The following LRP1B variants were observed in gnomAD, a reference collection of about 807,000 sequenced individuals.
LRP1B encodes the protein low-density lipoprotein receptor-related protein 1B.
A neutral mutation model predicts 556.6 loss-of-function variants in LRP1B; 217 were observed. The ratio of observed to expected loss-of-function variants is 0.39; its 90% CI spans 0.35 to 0.44. The LOEUF (loss-of-function observed/expected upper bound fraction) is 0.44. LRP1B is among the 20% of genes least tolerant of loss of function. LRP1B has a pLI of 1.00. For missense variants in LRP1B, 5,053 were observed against 5,620.8 expected (o/e 0.90, Z 3.23); for synonymous variants, 2,047 against 1,865.8 (o/e 1.10, Z -2.50).
chr2:141,988,935 C>T (rs2105111067), intron 1 of LRP1B, among the ~76,000 whole-genome samples: 1 of 152,070 alleles, frequency 6.6e-6, no homozygotes, highest in East Asian at 1.9e-4. Context: ...ATGCATATTT[C>T]TACTAGAATC....
chr2:141,923,649 A>T (rs896547497), intron 1 of LRP1B, among the ~76,000 whole-genome samples: 1 of 151,344 alleles, frequency 6.6e-6, no homozygotes, highest in African/African-American at 2.4e-5. Context: ...GTAATTACAG[A>T]ATGTCTGTAA....
At chr2:141,399,724 T>G (rs1314912872) in intron 3 of LRP1B, among the ~76,000 whole-genome samples, 1 of 152,324 alleles carries the variant, frequency 6.6e-6, no homozygotes, top group East Asian at 1.9e-4. Context: ...AAGTAGACAC[T>G]GTCATTGTCC....
At chr2:141,396,227 T>C (rs936925828) in intron 3 of LRP1B, among the ~76,000 whole-genome samples, 3 of 152,238 alleles carry the variant, frequency 2.0e-5, no homozygotes, top group Middle Eastern at 3.4e-3. Context: ...ACAAAACACA[T>C]ACAAGCAGAT....
intron 6 of LRP1B, among the ~76,000 whole-genome samples, chr2:141,191,112 A>G (rs371232384): frequency 6.6e-6 from 1 of 151,950 alleles, no homozygotes; most frequent in Admixed American, 6.6e-5. Flanking sequence ...ACCATGCCCT[A>G]TCATGTTCTC....
At chr2:141,162,066 G>C (rs12691595) in intron 7 of LRP1B, among the ~76,000 whole-genome samples, 74,792 of 151,850 alleles carry the variant, frequency 0.49, 19,764 homozygotes, top group Middle Eastern at 0.66. Flanking sequence ...ATTCCTTTCT[G>C]TTCCTAGGCA....
chr2:141,182,851 G>C (rs1249093554), intron 7 of LRP1B, among the ~76,000 whole-genome samples: 2 of 151,306 alleles, frequency 1.3e-5, no homozygotes, highest in Admixed American at 1.3e-4. Context: ...TGTGTAGGGG[G>C]CTGTTTATCC....
chr2:140,478,358 C>A (rs961083257), intron 59 of LRP1B, among the ~76,000 whole-genome samples: 1 of 151,810 alleles, frequency 6.6e-6, no homozygotes, highest in African/African-American at 2.4e-5. Flanking sequence ...ACCGTGTTAG[C>A]CAGGATGGTC....
At chr2:141,240,207 A>G (rs1044878562) in intron 5 of LRP1B, among the ~76,000 whole-genome samples, 1 of 152,130 alleles carries the variant, frequency 6.6e-6, no homozygotes, top group African/African-American at 2.4e-5. Context: ...GTGGAATATT[A>G]GTTATCTCTG....
chr2:142,120,676 T>C (rs1707427436), intron 1 of LRP1B, among the ~76,000 whole-genome samples: 1 of 152,218 alleles, frequency 6.6e-6, no homozygotes. Flanking sequence ...TGCTGGTTTA[T>C]GTTGATAGAA....
chr2:142,076,356 G>A (rs912243371), intron 1 of LRP1B, among the ~76,000 whole-genome samples: 1 of 152,082 alleles, frequency 6.6e-6, no homozygotes, highest in Non-Finnish European at 1.5e-5. Context: ...AGGAACATTA[G>A]GCTTATCCAT....
intron 2 of LRP1B, among the ~76,000 whole-genome samples, chr2:141,794,997 T>C (rs1480454629): frequency 6.6e-6 from 1 of 152,000 alleles, no homozygotes; most frequent in African/African-American, 2.4e-5. Flanking sequence ...AATAATGGAG[T>C]TGTAAAAGTA....
At chr2:141,639,848 A>AC (rs1475369406) in intron 2 of LRP1B, among the ~76,000 whole-genome samples, 1 of 152,036 alleles carries the variant, frequency 6.6e-6, no homozygotes, top group Non-Finnish European at 1.5e-5. Context: ...TATTTCTGCA[A>AC]CCCCCACAAC....
intron 2 of LRP1B, among the ~76,000 whole-genome samples, chr2:141,639,726 T>A (rs1047267851): frequency 6.6e-6 from 1 of 152,138 alleles, no homozygotes; most frequent in Non-Finnish European, 1.5e-5. Context: ...AAAGAATCCA[T>A]CAGGATTATT....
intron 3 of LRP1B, among the ~76,000 whole-genome samples, chr2:141,453,532 G>T (rs113056743): frequency 1.8e-4 from 27 of 152,274 alleles, no homozygotes; most frequent in African/African-American, 6.5e-4. Context: ...AATGTTACTA[G>T]GTTCTGTGTC....
chr2:141,139,278 C>T lies in LRP1B; in HGVS notation c.1013+49143G>A, dbSNP rs573166085. 1.6e-4 allele frequency among the ~76,000 whole-genome samples: 24 copies of T among 151,774 alleles called. No individual in the cohort carries two copies. The South Asian group carries it at 5.0e-3, about 31-fold the overall frequency. The stretch of plus-strand genomic sequence containing the variant: ...AAAACTCCTAGAAGAAAACATAAAA[C>T]AAAATCTTTATAACATTTGGTTAAG... On this transcript the variant is annotated intron_variant, in intron 7 of 90. Transcript: ENST00000389484.
intron 3 of LRP1B, among the ~76,000 whole-genome samples, chr2:141,257,187 G>A (rs1462002318): frequency 6.6e-6 from 1 of 152,082 alleles, no homozygotes; most frequent in East Asian, 1.9e-4. Context: ...AAGCATTAGA[G>A]TGGAGCAGTG....
intron 2 of LRP1B, among the ~76,000 whole-genome samples, chr2:141,540,362 T>C (rs926771701): frequency 6.6e-6 from 1 of 152,172 alleles, no homozygotes; most frequent in South Asian, 2.1e-4. Flanking sequence ...TTGGTGACTT[T>C]CAAATATTGT....
chr2:140,835,151 G>A (rs1186846406), intron 31 of LRP1B, among the ~76,000 whole-genome samples: 1 of 152,178 alleles, frequency 6.6e-6, no homozygotes, highest in Admixed American at 6.5e-5. Flanking sequence ...GGCAGACACA[G>A]GAATAGTTCT....
chr2:141,096,728 G>A (rs1379677923), intron 7 of LRP1B, among the ~76,000 whole-genome samples: 2 of 148,124 alleles, frequency 1.4e-5, no homozygotes, highest in African/African-American at 5.0e-5. Context: ...AAGATTAGTT[G>A]TATGGTCAAG....
Sources: gnomAD v4.1 joint callset for allele counts (sites outside exome capture counted in the v4.1 genomes callset) on GRCh38, gnomAD v4.1.1 for gene constraint, MANE v1.5 for transcripts, NCBI Gene and HGNC (gene_info 2026-07-23, HGNC 2026-07-21) for gene names.